The following EPS8 variants were observed in gnomAD, a reference collection of about 807,000 sequenced individuals.
EPS8 encodes the protein EGFR pathway substrate 8, signaling adaptor.
EPS8 carries 42 observed loss-of-function variants against 103.8 expected under a neutral mutation model. That is an observed-to-expected ratio of 0.40 (90% CI 0.32 to 0.52). EPS8 has a LOEUF of 0.52. EPS8 is among the 20% of genes least tolerant of loss of function. EPS8 has a pLI of 0.40. For synonymous variants in EPS8, 344 were observed against 344.6 expected (o/e 1.00, Z 0.02); for missense variants, 969 against 1,005.1 (o/e 0.96, Z 0.49).
intron 8 of EPS8, 95 bp downstream of exon 8, chr12:15,665,661 C>T (rs1945695073): frequency 6.8e-7 from 1 of 1,462,064 alleles, no homozygotes; most frequent in South Asian, 1.2e-5. Flanking sequence ...TAACCTCAAG[C>T]TTCAGTTCTG....
At chr12:15,724,747 T>C (rs1233816498) in intron 1 of EPS8, among the ~76,000 whole-genome samples, 1 of 152,158 alleles carries the variant, frequency 6.6e-6, no homozygotes, top group Non-Finnish European at 1.5e-5. Context: ...GGTTTTTCCT[T>C]TCACTTGGCT....
At chr12:15,669,576 T>C (rs755635684) in intron 5 of EPS8, 40 bp from the exon 6 acceptor site, 6 of 1,568,800 alleles carry the variant, frequency 3.8e-6, no homozygotes, top group Non-Finnish European at 5.2e-6. Context: ...CAAACTTCCA[T>C]CCATTTTCAA....
intron 1 of EPS8, among the ~76,000 whole-genome samples, chr12:15,724,738 G>A (rs933875145): frequency 6.6e-6 from 1 of 152,120 alleles, no homozygotes; most frequent in Non-Finnish European, 1.5e-5. Context: ...TTTATAAGGG[G>A]TTTTTCCTTT....
At chr12:15,718,585 A>C (rs1946558326) in intron 1 of EPS8, among the ~76,000 whole-genome samples, 1 of 152,224 alleles carries the variant, frequency 6.6e-6, no homozygotes, top group South Asian at 2.1e-4. Flanking sequence ...TGAAGATTTT[A>C]CTTAGACTTT....
chr12:15,621,571 T>A (rs1017236287), intron 20 of EPS8, 141 bp from the exon 21 acceptor site: 2 of 577,234 alleles, frequency 3.5e-6, no homozygotes, highest in Admixed American at 7.8e-5. Context: ...ACTTTTTAAG[T>A]GAAGCTTCTG....
At chr12:15,768,301 G>A (rs1947117681) in intron 1 of EPS8, among the ~76,000 whole-genome samples, 1 of 151,566 alleles carries the variant, frequency 6.6e-6, no homozygotes, top group Non-Finnish European at 1.5e-5. Context: ...AGCCGGGCGT[G>A]GTGGCGGGCA....
At position 15,777,347 on chromosome 12, in the gene EPS8, A is replaced by C. The variant is rs1386317497; in HGVS notation, c.-22+11814T>G. Among the ~76,000 whole-genome samples, 1 of 152,150 alleles carries C rather than the reference A, an allele frequency of 6.6e-6. No individual in the cohort carries two copies. The highest frequency in any genetic ancestry group is 1.5e-5 in the Non-Finnish European group (1 of 68,014). On this transcript the variant is annotated intron_variant, in intron 1 of 20. Coordinates refer to ENST00000281172, the MANE Select transcript of EPS8 (RefSeq NM_004447.6). The surrounding 1 kb of genome is among the most constrained non-coding windows in gnomAD (Gnocchi z 4.7). ...TGTTCTAATATATGACCAAAACCACAGTGGACCTTTCTAATCAGTATAAAA... is the reference window on the plus strand; with the variant it reads ...TGTTCTAATATATGACCAAAACCACCGTGGACCTTTCTAATCAGTATAAAA...
intron 1 of EPS8, chr12:15,712,963 G>T (rs1344424306): frequency 2.0e-6 from 2 of 985,272 alleles, no homozygotes; most frequent in African/African-American, 3.5e-5. Flanking sequence ...GTCAGAAAGG[G>T]TGGGACTCTA....
Position 15,701,792 on chromosome 12 carries a change from C to T in EPS8, c.-21-18820G>A, listed in dbSNP as rs568909021. ...CACCAAAATGATACTGCCCTGGACA[C>T]GGCCCTTAGGGGAAGAAAAATAACA... is the stretch of plus-strand genomic sequence containing the variant. On this transcript the variant is annotated intron_variant, in intron 1 of 20. Coordinates refer to ENST00000281172, the MANE Select transcript of EPS8 (RefSeq NM_004447.6). The surrounding 1 kb of genome is among the most constrained non-coding windows in gnomAD (Gnocchi z 5.1). 7.4e-4 allele frequency among the ~76,000 whole-genome samples: 112 copies of T among 152,240 alleles called. No homozygotes were observed. Among genetic ancestry groups the T allele is most frequent in the African/African-American group, 2.2e-3 (91 of 41,544 alleles).
At chr12:15,666,217 C>T (rs1367867226) in intron 7 of EPS8, among the ~76,000 whole-genome samples, 1 of 152,164 alleles carries the variant, frequency 6.6e-6, no homozygotes, top group Non-Finnish European at 1.5e-5. Context: ...GACTCTGTGA[C>T]TTCCAACACA....
chr12:15,758,164 A>G (rs1299519184), intron 1 of EPS8, among the ~76,000 whole-genome samples: 1 of 152,206 alleles, frequency 6.6e-6, no homozygotes, highest in Non-Finnish European at 1.5e-5. Context: ...TGTCAGTCAC[A>G]TGCCCTTGTC....
intron 14 of EPS8, among the ~76,000 whole-genome samples, chr12:15,648,397 C>T (rs1945356536): frequency 6.6e-6 from 1 of 152,122 alleles, no homozygotes; most frequent in Non-Finnish European, 1.5e-5. Context: ...TCAGAAAATT[C>T]TTGGACATAT....
At chr12:15,737,371 C>T (rs900694779) in intron 1 of EPS8, among the ~76,000 whole-genome samples, 3 of 152,014 alleles carry the variant, frequency 2.0e-5, no homozygotes, top group Non-Finnish European at 4.4e-5. Flanking sequence ...AAAAAATATA[C>T]CAAAGGGAAG....
chr12:15,649,107 C>G (rs1945369034), intron 14 of EPS8, among the ~76,000 whole-genome samples: 1 of 152,128 alleles, frequency 6.6e-6, no homozygotes, highest in Non-Finnish European at 1.5e-5. Context: ...CTCTGAATAA[C>G]TACTTCAGCC....
intron 14 of EPS8, among the ~76,000 whole-genome samples, chr12:15,648,906 A>G (rs965440787): frequency 6.6e-6 from 1 of 152,178 alleles, no homozygotes; most frequent in Non-Finnish European, 1.5e-5. Context: ...AAATCATCAG[A>G]TCCTGAATTA....
At chr12:15,775,635 T>C (rs1947200206) in intron 1 of EPS8, among the ~76,000 whole-genome samples, 1 of 152,202 alleles carries the variant, frequency 6.6e-6, no homozygotes. Context: ...GCCTTTATTT[T>C]CCAGATTTTT....
chr12:15,665,426 G>T (rs1323933061), intron 8 of EPS8: 1 of 244,098 alleles, frequency 4.1e-6, no homozygotes, highest in Non-Finnish European at 7.8e-6. Context: ...CCGCCTCCCG[G>T]TTCAAGTGAT....
chr12:15,637,717 A>G (rs910145550), intron 17 of EPS8, among the ~76,000 whole-genome samples: 2 of 152,196 alleles, frequency 1.3e-5, no homozygotes, highest in Admixed American at 6.5e-5. Flanking sequence ...TATTTCTTCA[A>G]AGTTTTGATA....
intron 18 of EPS8, among the ~76,000 whole-genome samples, chr12:15,625,372 T>A (rs530333561): frequency 4.6e-5 from 7 of 152,278 alleles, no homozygotes; most frequent in Non-Finnish European, 7.4e-5. Flanking sequence ...CCTGCAAACA[T>A]GCTATTATTT....
Sources: allele counts gnomAD v4.1 joint callset (sites outside exome capture counted in the v4.1 genomes callset), GRCh38; gene constraint gnomAD v4.1.1; non-coding constraint Gnocchi (gnomAD v3.1); transcripts MANE v1.5; gene names NCBI Gene and HGNC (gene_info 2026-07-23, HGNC 2026-07-21).